Variants in ERAP1 observed in about 807,000 individuals in gnomAD.
The protein encoded by ERAP1 is adipocyte-derived leucine aminopeptidase.
A neutral mutation model predicts 103.7 loss-of-function variants in ERAP1; 86 were observed. The observed-to-expected ratio is 0.83, with a 90% CI of 0.70 to 0.99. ERAP1 has a LOEUF of 0.99. ERAP1 is among the 50% of genes least tolerant of loss of function. The pLI is 0.00. For missense variants in ERAP1, 1,009 were observed against 1,128.4 expected, an observed-to-expected ratio of 0.89 and a Z score of 1.52; for synonymous variants, 398 against 402.4, an observed-to-expected ratio of 0.99 and a Z score of 0.13.
the ERAP1 span, among the ~76,000 whole-genome samples, chr5:96,904,585 T>C: frequency 6.6e-6 from 1 of 152,182 alleles, no homozygotes; most frequent in Non-Finnish European, 1.5e-5. Context: ...AACACCATCC[T>C]ACATATGAGT....
chr5:96,838,585 T>C, the ERAP1 span, among the ~76,000 whole-genome samples: 1 of 151,228 alleles, frequency 6.6e-6, no homozygotes, highest in Admixed American at 6.6e-5. Context: ...CTTCCTTCCA[T>C]ATATTTCCTC....
In ERAP1 at chr5:96,774,771, A is replaced by G. The variant is rs1255783857; in HGVS notation, c.*1625T>C. ...GATTTCTATTTTTATTAAACCATTC[A>G]CTACAACAAATAAGTATAAAAATTC... On this transcript the variant is annotated 3_prime_UTR_variant, in exon 19 of 19. Transcript: ENST00000443439. 24 of 984,006 alleles carry G rather than the reference A, an allele frequency of 2.4e-5. No individual in the cohort carries two copies. The highest frequency in any genetic ancestry group is 2.9e-5 in the Non-Finnish European group (24 of 828,638). 61.0% of individuals were successfully genotyped at this position (984,006 alleles called of 1,614,324 possible). A position where few individuals can be genotyped will look rare whatever the true frequency, so the allele number is the denominator to read the frequency against.
the ERAP1 span, among the ~76,000 whole-genome samples, chr5:96,890,856 C>G: frequency 1.3e-4 from 19 of 151,982 alleles, no homozygotes; most frequent in African/African-American, 4.6e-4. Context: ...TACTTTAGAT[C>G]AAAAGTCAAG....
chr5:96,855,034 A>C, the ERAP1 span, among the ~76,000 whole-genome samples: 1 of 152,212 alleles, frequency 6.6e-6, no homozygotes, highest in Non-Finnish European at 1.5e-5. Flanking sequence ...CAGATTATAT[A>C]GGTTTTATCT....
At chr5:96,904,016 G>C in the ERAP1 span, among the ~76,000 whole-genome samples, 1 of 152,138 alleles carries the variant, frequency 6.6e-6, no homozygotes, top group Non-Finnish European at 1.5e-5. Flanking sequence ...TATGTTATTA[G>C]CTGCTACACC....
intron 4 of ERAP1, among the ~76,000 whole-genome samples, chr5:96,796,336 A>G (rs1449282995): frequency 6.6e-6 from 1 of 152,240 alleles, no homozygotes; most frequent in East Asian, 1.9e-4. Context: ...ATGCAACAGT[A>G]CCCAAATGAG....
At chr5:96,831,355 C>T in the ERAP1 span, among the ~76,000 whole-genome samples, 1 of 152,204 alleles carries the variant, frequency 6.6e-6, no homozygotes, top group Non-Finnish European at 1.5e-5. Flanking sequence ...GGCCCCACCT[C>T]CAACACTGGG....
the ERAP1 span, among the ~76,000 whole-genome samples, chr5:96,883,083 A>T: frequency 3.9e-5 from 6 of 152,320 alleles, no homozygotes; most frequent in South Asian, 8.3e-4. Flanking sequence ...AACTAGAAGT[A>T]CCTGGGGGCA....
At chr5:96,850,903 G>C in the ERAP1 span, among the ~76,000 whole-genome samples, 26 of 152,124 alleles carry the variant, frequency 1.7e-4, no homozygotes, top group Non-Finnish European at 3.7e-4. Context: ...CAACCTATTA[G>C]TCCAAAGAAA....
chr5:96,822,510 G>T, the ERAP1 span, among the ~76,000 whole-genome samples: 2 of 152,182 alleles, frequency 1.3e-5, no homozygotes, highest in Admixed American at 6.5e-5. Context: ...TGCAAGAATT[G>T]TGTCTTAGGT....
In ERAP1 at chr5:96,786,500, C is replaced by A. The variant is rs765753277; in HGVS notation, c.1729G>T (p.Val577Phe). 10 of 1,612,818 alleles carry A rather than the reference C, an allele frequency of 6.2e-6. No homozygotes were observed. The Admixed American group carries it at 1.5e-4, about 24-fold the overall frequency. The change falls in exon 12 of 19, where the codon GTC becomes TTC. Residue 577 changes from valine to phenylalanine, a missense_variant. Val to Phe is a conservative substitution (Grantham distance 50). Coordinates refer to ENST00000443439, the MANE Select transcript of ERAP1 (RefSeq NM_001040458.3). ...LTFITSKSDM[V>F]HRFLLKTKTD... ...TTTGTTTTTAGCAAAAATCGATGGA[C>A]CATGTCGGATTTGCTGGTGATGAAT...
the ERAP1 span, among the ~76,000 whole-genome samples, chr5:96,875,358 G>T: frequency 6.6e-6 from 1 of 151,634 alleles, no homozygotes; most frequent in South Asian, 2.1e-4. Context: ...AACATGGGAA[G>T]ACCTCATCTA....
chr5:96,860,769 A>G, the ERAP1 span, among the ~76,000 whole-genome samples: 4 of 152,128 alleles, frequency 2.6e-5, no homozygotes, highest in Admixed American at 6.6e-5. Context: ...GTTGCTGTTT[A>G]TCATATTCTA....
chr5:96,893,872 T>A, the ERAP1 span, among the ~76,000 whole-genome samples: 1 of 152,178 alleles, frequency 6.6e-6, no homozygotes, highest in Non-Finnish European at 1.5e-5. Flanking sequence ...GCTTTAGCCA[T>A]CCAAGATTAC....
chr5:96,798,309 A>G (rs1169456181), intron 3 of ERAP1, among the ~76,000 whole-genome samples: 7 of 133,832 alleles, frequency 5.2e-5, no homozygotes, highest in African/African-American at 2.0e-4. Flanking sequence ...TGGATGACAG[A>G]GCGAGACTCC....
chr5:96,860,959 C>T, the ERAP1 span, among the ~76,000 whole-genome samples: 4 of 150,912 alleles, frequency 2.7e-5, no homozygotes, highest in African/African-American at 9.7e-5. Flanking sequence ...GCTTTCTTTT[C>T]TTTCTTTTTT....
chr5:96,898,572 CAAAA>C, the ERAP1 span, among the ~76,000 whole-genome samples: 162 of 94,452 alleles, frequency 1.7e-3, no homozygotes, highest in African/African-American at 6.3e-3. Context: ...TACTAAAATA[CAAAA>C]AAAAAAAAAA....
chr5:96,804,483 G>A, intron 1 of ERAP1: 1 of 174,216 alleles, frequency 5.7e-6, no homozygotes, highest in Admixed American at 5.4e-5. Context: ...CACTTCCCCT[G>A]TAAGTATATG....
At chr5:96,882,052 G>C in the ERAP1 span, among the ~76,000 whole-genome samples, 3 of 152,110 alleles carry the variant, frequency 2.0e-5, no homozygotes, top group Admixed American at 2.0e-4. Context: ...TCACTGCACA[G>C]CCTGCAGCCA....
Sources: allele counts gnomAD v4.1 joint callset (sites outside exome capture counted in the v4.1 genomes callset), GRCh38; gene constraint gnomAD v4.1.1; transcripts MANE v1.5; gene names NCBI Gene and HGNC (gene_info 2026-07-23, HGNC 2026-07-21).